The following NEK7 variants were observed in gnomAD, a reference collection of about 807,000 sequenced individuals.
The protein encoded by NEK7 is NIMA related kinase 7.
In NEK7, 18 loss-of-function variants were observed where a neutral mutation model predicts 44.6. That is an observed-to-expected ratio of 0.40 (90% confidence interval 0.28 to 0.60). NEK7 has a LOEUF of 0.60. NEK7 is among the 20% of genes least tolerant of loss of function. The probability of loss-of-function intolerance (pLI) is 0.38; values close to 1 mark genes in which losing one functional copy is unlikely to be tolerated. For missense variants in NEK7, 256 were observed against 366.5 expected (o/e 0.70, Z 2.46); for synonymous variants, 130 against 121.1 (o/e 1.07, Z -0.48).
chr1:198,251,799 A>G (rs933991245), intron 2 of NEK7, among the ~76,000 whole-genome samples: 2 of 151,632 alleles, frequency 1.3e-5, no homozygotes, highest in African/African-American at 4.8e-5. Flanking sequence ...GCAGTCTATC[A>G]ATTTTGTTGA....
At chr1:198,259,811 T>TCACA (rs145517799) in intron 3 of NEK7, among the ~76,000 whole-genome samples, 29 of 150,924 alleles carry the variant, frequency 1.9e-4, no homozygotes, top group East Asian at 9.7e-4. Flanking sequence ...ACACACACAC[T>TCACA]CACACACACA....
chr1:198,187,963 G>A (rs1246281394), intron 1 of NEK7, among the ~76,000 whole-genome samples: 3 of 152,162 alleles, frequency 2.0e-5, no homozygotes, highest in Admixed American at 6.5e-5. Context: ...GAGGAATCTG[G>A]CTCTATAGAG....
At chr1:198,277,790 C>T (rs577242051) in intron 5 of NEK7, 171 bp from the exon 6 acceptor site, 256 of 552,396 alleles carry the variant, frequency 4.6e-4, no homozygotes, top group Middle Eastern at 2.9e-3. Context: ...AAACTTAAGC[C>T]ATTATGTCAG....
At chr1:198,225,302 A>T (rs1666185275) in intron 1 of NEK7, among the ~76,000 whole-genome samples, 1 of 151,836 alleles carries the variant, frequency 6.6e-6, no homozygotes, top group Admixed American at 6.6e-5. Flanking sequence ...GCATATATAT[A>T]AGTTAAATAG....
intron 1 of NEK7, among the ~76,000 whole-genome samples, chr1:198,231,363 A>G (rs937288538): frequency 3.5e-5 from 5 of 144,474 alleles, no homozygotes; most frequent in African/African-American, 1.0e-4. Context: ...TTGGTATATG[A>G]CAAAGATGAC....
chr1:198,250,208 C>A (rs907635784), intron 2 of NEK7, among the ~76,000 whole-genome samples: 1 of 147,778 alleles, frequency 6.8e-6, no homozygotes, highest in Non-Finnish European at 1.5e-5. Flanking sequence ...GGCATTATTT[C>A]TGAGGGCTCT....
At chr1:198,263,170 A>G (rs1330526033) in intron 4 of NEK7, among the ~76,000 whole-genome samples, 3 of 151,918 alleles carry the variant, frequency 2.0e-5, no homozygotes, top group African/African-American at 7.2e-5. Flanking sequence ...TTTATAGTGA[A>G]GTTTCTTTTG....
intron 8 of NEK7, among the ~76,000 whole-genome samples, chr1:198,295,670 T>C (rs1257032774): frequency 6.6e-6 from 1 of 151,686 alleles, no homozygotes; most frequent in Admixed American, 6.6e-5. Flanking sequence ...AGGACTATAA[T>C]GAACGCCTAG....
chr1:198,313,099 G>C (rs528846302), intron 9 of NEK7, among the ~76,000 whole-genome samples: 18 of 151,006 alleles, frequency 1.2e-4, no homozygotes, highest in South Asian at 4.2e-4. Flanking sequence ...TCACTCAGGA[G>C]TTGCTTTATG....
chr1:198,172,731 C>T (rs1053867263), intron 1 of NEK7, among the ~76,000 whole-genome samples: 2 of 152,046 alleles, frequency 1.3e-5, no homozygotes, highest in African/African-American at 4.8e-5. Context: ...CAGGTTTTGC[C>T]TTAGTTATAT....
chr1:198,247,081 T>C (rs1320434697), intron 2 of NEK7, among the ~76,000 whole-genome samples: 3 of 152,234 alleles, frequency 2.0e-5, no homozygotes, highest in Admixed American at 6.5e-5. Flanking sequence ...TTGTTACATA[T>C]ATATCATTTT....
chr1:198,233,714 G>A (rs1249431432), intron 2 of NEK7, among the ~76,000 whole-genome samples: 1 of 144,814 alleles, frequency 6.9e-6, no homozygotes, highest in African/African-American at 2.5e-5. Flanking sequence ...ATAGGCTGTA[G>A]TGTTTTCCAA....
In NEK7 at chr1:198,278,776, C is replaced by T. The variant is rs181411427; in HGVS notation, c.482-178C>T. ...GATGATTAGCTGTCTAGCAGAGAAT[C>T]GAGAACTCCTAGGTATTAGGATATA... On this transcript the variant is annotated intron_variant, in intron 6 of 9. Coordinates refer to ENST00000367385, the MANE Select transcript of NEK7 (RefSeq NM_133494.3). Among the ~76,000 whole-genome samples, 25 of 151,854 alleles carry T rather than the reference C, an allele frequency of 1.6e-4. 1 individual carries two copies. Among genetic ancestry groups the T allele is most frequent in the Admixed American group, 9.2e-4 (14 of 15,210 alleles).
rs1236094292 is a variant in NEK7, at chr1:198,231,297, G to GTATATATATATA, written c.-28-1255_-28-1254insATATATATATAT. ...TGTGTGTGTATATACGTGTATGTGT[G>GTATATATATATA]TGTGTATATATATATATATATATAT... On this transcript the variant is annotated intron_variant, in intron 1 of 9. Coordinates refer to ENST00000367385, the MANE Select transcript of NEK7 (RefSeq NM_133494.3). Among the ~76,000 whole-genome samples the GTATATATATATA allele has an allele frequency of 6.0e-3, 536 of 89,740 alleles. 2 individuals carry two copies. The highest frequency in any genetic ancestry group is 0.015 in the Middle Eastern group (3 of 198). The allele number at this position is 89,740 out of a possible 152,430, so 58.9% of individuals were successfully genotyped here. A position where few individuals can be genotyped will look rare whatever the true frequency, so the allele number is the denominator to read the frequency against.
intron 2 of NEK7, among the ~76,000 whole-genome samples, chr1:198,243,640 A>G (rs1257485147): frequency 2.0e-5 from 3 of 152,218 alleles, no homozygotes; most frequent in African/African-American, 7.2e-5. Context: ...AGGGTCTTAT[A>G]AATGTTTAAT....
chr1:198,297,316 T>C lies in NEK7; in HGVS notation c.798+76T>C, dbSNP rs116170469. ...TTTTATTTTACCAAGAAATTTTACT[T>C]TATCCAAAAATGAAAATGAATGGTA... On this transcript the variant is annotated intron_variant, in intron 9 of 9. Transcript: ENST00000367385. 2.6e-5 allele frequency: 41 copies of C among 1,582,208 alleles called. No individual in the cohort carries two copies. In the African/African-American group the frequency reaches 5.0e-4, roughly 19 times the overall value.
intron 2 of NEK7, among the ~76,000 whole-genome samples, chr1:198,242,881 G>T (rs1286632093): frequency 6.7e-6 from 1 of 149,646 alleles, no homozygotes; most frequent in African/African-American, 2.5e-5. Context: ...TGTTTTCCAG[G>T]GTGGTCTTGA....
intron 1 of NEK7, among the ~76,000 whole-genome samples, chr1:198,217,163 C>T (rs1558061050): frequency 6.6e-6 from 1 of 152,030 alleles, no homozygotes; most frequent in Non-Finnish European, 1.5e-5. Context: ...AAGTAAACTG[C>T]GGACAAGTAT....
At chr1:198,251,599 C>G (rs1379020733) in intron 2 of NEK7, among the ~76,000 whole-genome samples, 1 of 152,042 alleles carries the variant, frequency 6.6e-6, no homozygotes, top group African/African-American at 2.4e-5. Flanking sequence ...CTGGTTTAGT[C>G]TTGGGAGGGT....
Sources: allele counts gnomAD v4.1 joint callset (sites outside exome capture counted in the v4.1 genomes callset), GRCh38; gene constraint gnomAD v4.1.1; transcripts MANE v1.5; gene names NCBI Gene and HGNC (gene_info 2026-07-23, HGNC 2026-07-21).